The following ADGRB3 variants were observed in gnomAD, a reference collection of about 807,000 sequenced individuals.
ADGRB3 encodes the protein brain-specific angiogenesis inhibitor 3.
Under a neutral mutation model 193.4 loss-of-function variants are expected in ADGRB3, and 37 were observed. The observed-to-expected ratio is 0.19, with a 90% CI of 0.15 to 0.25. The LOEUF (loss-of-function observed/expected upper bound fraction) is 0.25. ADGRB3 is among the 10% of genes least tolerant of loss of function. The pLI is 1.00. For missense variants in ADGRB3, 1,637 were observed against 1,852.9 expected (o/e 0.88, Z 2.14); for synonymous variants, 690 against 644.2 (o/e 1.07, Z -1.08).
intron 13 of ADGRB3, among the ~76,000 whole-genome samples, chr6:69,033,258 A>G (rs1770765943): frequency 6.6e-6 from 1 of 152,140 alleles, no homozygotes; most frequent in Admixed American, 6.5e-5. Context: ...CTATCTTAAA[A>G]AGCTATTCTT....
chr6:69,025,071 G>A lies in ADGRB3; in HGVS notation c.2107+6572G>A, dbSNP rs368404223. Reference sequence around the variant, plus strand: ...CGCGCCACTGCACTCCAGCCTGGGCGACAGAGCGAGACTCCGTCTCAAAAA... The same window carrying A: ...CGCGCCACTGCACTCCAGCCTGGGCAACAGAGCGAGACTCCGTCTCAAAAA... On this transcript the variant is annotated intron_variant, in intron 13 of 31. Coordinates refer to ENST00000370598, the MANE Select transcript of ADGRB3 (RefSeq NM_001704.3). Among the ~76,000 whole-genome samples the A allele has an allele frequency of 7.4e-5, 11 of 147,860 alleles. No homozygotes were observed. In the East Asian group the frequency reaches 1.0e-3, roughly 13 times the overall value.
At chr6:68,763,799 G>A (rs1766458686) in intron 3 of ADGRB3, among the ~76,000 whole-genome samples, 1 of 152,058 alleles carries the variant, frequency 6.6e-6, no homozygotes, top group Non-Finnish European at 1.5e-5. Context: ...GGTGGCGGTG[G>A]TGGTGGCTCA....
At chr6:69,043,308 G>GAAAGAAAGAAAGAA (rs1771134604) in intron 13 of ADGRB3, among the ~76,000 whole-genome samples, 1 of 149,058 alleles carries the variant, frequency 6.7e-6, no homozygotes, top group Non-Finnish European at 1.5e-5. Context: ...AAGAAAGAAA[G>GAAAGAAAGAAAGAA]AAAGAAAGAA....
At chr6:69,171,950 A>T (rs1034536236) in intron 17 of ADGRB3, among the ~76,000 whole-genome samples, 2 of 152,152 alleles carry the variant, frequency 1.3e-5, no homozygotes, top group African/African-American at 4.8e-5. Context: ...CCATGTGACT[A>T]CTTCTAGCCA....
At chr6:69,093,113 G>A (rs1772763607) in intron 17 of ADGRB3, among the ~76,000 whole-genome samples, 1 of 151,316 alleles carries the variant, frequency 6.6e-6, no homozygotes, top group African/African-American at 2.4e-5. Flanking sequence ...AGCGGGGTGG[G>A]CACCCTAAGT....
chr6:68,946,565 G>A (rs1027812672), intron 6 of ADGRB3, among the ~76,000 whole-genome samples: 1 of 152,058 alleles, frequency 6.6e-6, no homozygotes, highest in African/African-American at 2.4e-5. Context: ...ATATCCCTAA[G>A]CTATCATATT....
intron 17 of ADGRB3, among the ~76,000 whole-genome samples, chr6:69,148,284 T>C (rs867497707): frequency 6.6e-6 from 1 of 152,178 alleles, no homozygotes; most frequent in African/African-American, 2.4e-5. Context: ...CTTTTTATTT[T>C]TTGTATATAC....
chr6:69,197,240 G>A (rs1181928756), intron 17 of ADGRB3, among the ~76,000 whole-genome samples: 2 of 151,910 alleles, frequency 1.3e-5, no homozygotes, highest in Non-Finnish European at 2.9e-5. Context: ...TTTATTGCTA[G>A]TTTATTTACC....
At chr6:69,247,436 G>A (rs1248869804) in intron 20 of ADGRB3, among the ~76,000 whole-genome samples, 1 of 152,144 alleles carries the variant, frequency 6.6e-6, no homozygotes, top group South Asian at 2.1e-4. Flanking sequence ...TCCCTCCTAG[G>A]GACCGTGTCT....
At chr6:68,764,918 T>C (rs1291603102) in intron 3 of ADGRB3, among the ~76,000 whole-genome samples, 1 of 152,220 alleles carries the variant, frequency 6.6e-6, no homozygotes, top group Non-Finnish European at 1.5e-5. Flanking sequence ...TTGGTAAAGT[T>C]TATTTTGGAA....
At chr6:69,324,349 T>A (rs1250155451) in intron 20 of ADGRB3, among the ~76,000 whole-genome samples, 1 of 152,158 alleles carries the variant, frequency 6.6e-6, no homozygotes, top group African/African-American at 2.4e-5. Context: ...CATTTTGTAC[T>A]TTGCTGTTAC....
In ADGRB3 at chr6:68,956,794, G is replaced by A. The variant is rs750329964; in HGVS notation, c.1510G>A (p.Glu504Lys). Reference protein sequence around the residue: ...GTGEEVRRCNEQRCPAPYEIC... With the variant: ...GTGEEVRRCNKQRCPAPYEIC... ...GGGCGAAGAAGTGAGAAGATGCAAT[G>A]AGCAGCGATGCCCTGGTGAGAATGA... Residue 504 changes from glutamate to lysine, a missense_variant, in exon 8 of 32, where the codon GAG becomes AAG. By Grantham distance (56) the Glu-to-Lys change is moderately conservative. Transcript: ENST00000370598. The A allele has an allele frequency of 3.1e-6, 5 of 1,613,616 alleles. No homozygotes were observed. Among genetic ancestry groups the A allele is most frequent in the East Asian group, 2.2e-5 (1 of 44,832 alleles).
intron 3 of ADGRB3, among the ~76,000 whole-genome samples, chr6:68,693,377 A>G (rs992830909): frequency 2.0e-5 from 3 of 151,914 alleles, no homozygotes; most frequent in African/African-American, 4.8e-5. Flanking sequence ...AATGTCAACA[A>G]TGAAATAATG....
At chr6:68,942,798 A>C (rs1368652541) in intron 5 of ADGRB3, among the ~76,000 whole-genome samples, 1 of 152,080 alleles carries the variant, frequency 6.6e-6, no homozygotes, top group African/African-American at 2.4e-5. Context: ...TTTAGTAGAG[A>C]TGGTGTTTCA....
intron 3 of ADGRB3, among the ~76,000 whole-genome samples, chr6:68,819,863 T>C (rs1767715503): frequency 6.6e-6 from 1 of 152,112 alleles, no homozygotes; most frequent in Non-Finnish European, 1.5e-5. Context: ...GTTTCATCCA[T>C]GATTTTTTTA....
intron 3 of ADGRB3, among the ~76,000 whole-genome samples, chr6:68,644,662 C>G (rs1176982084): frequency 3.3e-5 from 5 of 152,108 alleles, no homozygotes; most frequent in Non-Finnish European, 5.9e-5. Context: ...AAATTATAGG[C>G]CCGGTCAAGT....
chr6:69,082,962 T>C (rs1053964156), intron 17 of ADGRB3, among the ~76,000 whole-genome samples: 1 of 152,206 alleles, frequency 6.6e-6, no homozygotes, highest in Non-Finnish European at 1.5e-5. Flanking sequence ...TAGGATCCCT[T>C]AAGCTAAATA....
intron 3 of ADGRB3, among the ~76,000 whole-genome samples, chr6:68,909,371 A>G (rs1178204726): frequency 6.6e-6 from 1 of 152,196 alleles, no homozygotes; most frequent in Non-Finnish European, 1.5e-5. Flanking sequence ...CTTTTAACAC[A>G]AACATACTTA....
chr6:68,809,189 G>T (rs1161687677), intron 3 of ADGRB3, among the ~76,000 whole-genome samples: 1 of 152,150 alleles, frequency 6.6e-6, no homozygotes, highest in African/African-American at 2.4e-5. Flanking sequence ...AGCAAAACCT[G>T]CAGAGGACGT....
Sources: allele counts gnomAD v4.1 joint callset (sites outside exome capture counted in the v4.1 genomes callset), GRCh38; gene constraint gnomAD v4.1.1; transcripts MANE v1.5; gene names NCBI Gene and HGNC (gene_info 2026-07-23, HGNC 2026-07-21).